The following PTPRG variants were observed in gnomAD, a reference collection of about 807,000 sequenced individuals.
The protein encoded by PTPRG is protein tyrosine phosphatase receptor type G, also known as receptor-type tyrosine-protein phosphatase gamma.
Under a neutral mutation model 165.3 loss-of-function variants are expected in PTPRG, and 102 were observed. The ratio of observed to expected loss-of-function variants is 0.62; its 90% confidence interval spans 0.53 to 0.73. The LOEUF (loss-of-function observed/expected upper bound fraction) is 0.73, where lower values mean the gene tolerates loss of function less well. PTPRG is among the 30% of genes least tolerant of loss of function. PTPRG has a pLI of 0.00. For missense variants in PTPRG, 1,866 were observed against 1,861.4 expected, an observed-to-expected ratio of 1.00 and a Z score of -0.05; for synonymous variants, 675 against 669.5, an observed-to-expected ratio of 1.01 and a Z score of -0.13.
At chr3:62,021,706 T>C (rs188310069) in intron 4 of PTPRG, among the ~76,000 whole-genome samples, 36 of 152,308 alleles carry the variant, frequency 2.4e-4, no homozygotes, top group Admixed American at 1.0e-3. Flanking sequence ...TTTGATATTA[T>C]GTGATGTAGC....
intron 4 of PTPRG, among the ~76,000 whole-genome samples, chr3:62,044,860 C>T (rs1019619349): frequency 2.6e-5 from 4 of 152,044 alleles, no homozygotes; most frequent in Non-Finnish European, 5.9e-5. Flanking sequence ...TATTATAGCC[C>T]TTAATACTTG....
Position 62,229,719 on chromosome 3 carries a change from G to GT in PTPRG, c.2289-1506_2289-1505insT, listed in dbSNP as rs2106917321. Among the ~76,000 whole-genome samples the GT allele has an allele frequency of 6.6e-6, 1 of 152,300 alleles. No individual in the cohort carries two copies. The highest frequency in any genetic ancestry group is 2.1e-4 in the South Asian group (1 of 4,820). On this transcript the variant is annotated intron_variant, in intron 13 of 29. Transcript: ENST00000474889. This position sits in a 1 kb window ranked among gnomAD's most constrained non-coding sequence, Gnocchi z 4.6. ...TATGTCTGTTCTGCTGGTTTGCTCA[G>GT]GTAGCCTCAAATATCTCAATTATTC...
At chr3:61,734,813 C>G (rs1381024200) in intron 1 of PTPRG, among the ~76,000 whole-genome samples, 1 of 152,154 alleles carries the variant, frequency 6.6e-6, no homozygotes, top group Non-Finnish European at 1.5e-5. Flanking sequence ...GTTGAAAAGT[C>G]TCCCTGAAAT....
intron 4 of PTPRG, among the ~76,000 whole-genome samples, chr3:62,040,403 C>T (rs1294092990): frequency 1.3e-5 from 2 of 152,194 alleles, no homozygotes; most frequent in Non-Finnish European, 2.9e-5. Flanking sequence ...CTCTCTAAGA[C>T]AGTACAGAAA....
intron 1 of PTPRG, among the ~76,000 whole-genome samples, chr3:61,671,566 G>A (rs1048726265): frequency 2.0e-5 from 3 of 147,504 alleles, no homozygotes; most frequent in South Asian, 2.2e-4. Flanking sequence ...GCAACCATCC[G>A]ATTTCTCAAT....
chr3:61,863,625 A>G (rs1015510911), intron 2 of PTPRG, among the ~76,000 whole-genome samples: 3 of 151,956 alleles, frequency 2.0e-5, no homozygotes, highest in African/African-American at 7.3e-5. Flanking sequence ...ATTATTCCAG[A>G]TTTTCAGTGT....
At chr3:62,061,634 T>C (rs1010649903) in intron 4 of PTPRG, among the ~76,000 whole-genome samples, 5 of 13,686 alleles carry the variant, frequency 3.7e-4, no homozygotes, top group African/African-American at 8.8e-4. Context: ...TTTCTTTTCT[T>C]TTTTTTTTTT....
intron 12 of PTPRG, among the ~76,000 whole-genome samples, chr3:62,212,466 T>C (rs1328842237): frequency 6.6e-6 from 1 of 152,206 alleles, no homozygotes; most frequent in African/African-American, 2.4e-5. Flanking sequence ...AGCCAGGTTA[T>C]TGGTATCAGG....
Position 62,273,636 on chromosome 3 carries a change from T to G in PTPRG, c.3319-62T>G. 1 of 1,539,484 alleles carries G rather than the reference T, an allele frequency of 6.5e-7. No homozygotes were observed. The highest frequency in any genetic ancestry group is 9.0e-7 in the Non-Finnish European group (1 of 1,116,122). Reference sequence around the variant, plus strand: ...CAGCAGAATTAAACTAAGGTACACTTCATGAATGAGTGGCTAACCCTTAAC... The same window carrying G: ...CAGCAGAATTAAACTAAGGTACACTGCATGAATGAGTGGCTAACCCTTAAC... On this transcript the variant is annotated intron_variant, in intron 22 of 29. Coordinates refer to ENST00000474889, the MANE Select transcript of PTPRG (RefSeq NM_002841.4). The surrounding 1 kb of genome is among the most constrained non-coding windows in gnomAD (Gnocchi z 4.1).
rs1211663429 is a variant in PTPRG, at chr3:62,219,930, T to C, written c.2288+947T>C. ...TTCTAAGATGGTGGTAACTGGATAA[T>C]GGAGAAAGCTTAAATCTGGAAAGGG... On this transcript the variant is annotated intron_variant, in intron 13 of 29. Coordinates refer to ENST00000474889, the MANE Select transcript of PTPRG (RefSeq NM_002841.4). The surrounding 1 kb of genome is among the most constrained non-coding windows in gnomAD (Gnocchi z 4.5). Among the ~76,000 whole-genome samples, 5 of 152,270 alleles carry C rather than the reference T, an allele frequency of 3.3e-5. No individual in the cohort carries two copies. Among genetic ancestry groups the C allele is most frequent in the Middle Eastern group, 3.4e-3 (1 of 294 alleles).
intron 4 of PTPRG, among the ~76,000 whole-genome samples, chr3:62,068,162 G>GA (rs767022997): frequency 2.0e-5 from 3 of 152,142 alleles, no homozygotes; most frequent in Non-Finnish European, 2.9e-5. Flanking sequence ...ATCACTTCTA[G>GA]AAAATAGTAG....
intron 1 of PTPRG, among the ~76,000 whole-genome samples, chr3:61,672,899 C>T (rs1019118972): frequency 2.6e-5 from 4 of 151,240 alleles, no homozygotes; most frequent in African/African-American, 2.4e-5. Flanking sequence ...GGGCACAACA[C>T]CTGCAATCCT....
intron 1 of PTPRG, among the ~76,000 whole-genome samples, chr3:61,625,496 G>T (rs947499346): frequency 6.6e-6 from 1 of 152,050 alleles, no homozygotes; most frequent in African/African-American, 2.4e-5. Flanking sequence ...TAGTTTTAGG[G>T]TGGTAATGAT....
At chr3:62,126,980 A>G (rs1703316460) in intron 5 of PTPRG, among the ~76,000 whole-genome samples, 1 of 152,226 alleles carries the variant, frequency 6.6e-6, no homozygotes, top group African/African-American at 2.4e-5. Flanking sequence ...TTTCTATATC[A>G]GAAACTAAGA....
At chr3:61,707,988 C>T (rs1388777466) in intron 1 of PTPRG, among the ~76,000 whole-genome samples, 1 of 152,090 alleles carries the variant, frequency 6.6e-6, no homozygotes, top group Non-Finnish European at 1.5e-5. Flanking sequence ...AGGGTTTCAC[C>T]ATGTTGCTCA....
At chr3:62,177,590 G>T (rs1705472619) in intron 8 of PTPRG, among the ~76,000 whole-genome samples, 1 of 152,098 alleles carries the variant, frequency 6.6e-6, no homozygotes, top group South Asian at 2.1e-4. Flanking sequence ...AATCCTTAAG[G>T]TGGTCCACAC....
At chr3:61,818,304 G>A (rs375056740) in intron 2 of PTPRG, among the ~76,000 whole-genome samples, 91 of 152,146 alleles carry the variant, frequency 6.0e-4, no homozygotes, top group African/African-American at 1.8e-3. Context: ...ATGAAAGAAC[G>A]TTATACATTA....
At chr3:61,566,042 T>A (rs967445030) in intron 1 of PTPRG, among the ~76,000 whole-genome samples, 4 of 152,188 alleles carry the variant, frequency 2.6e-5, no homozygotes, top group African/African-American at 7.2e-5. Context: ...AAATCTTTGA[T>A]GTTTCCTTCT....
At position 62,077,829 on chromosome 3, in the gene PTPRG, G is replaced by C. The variant is rs560694592; in HGVS notation, c.520-334G>C. ...GACCAGCCTGGTCAACATGGTGAAA[G>C]CCCATCTCTACAAAAATACAAAAAT... On this transcript the variant is annotated intron_variant, in intron 4 of 29. Coordinates refer to ENST00000474889, the MANE Select transcript of PTPRG (RefSeq NM_002841.4). Among the ~76,000 whole-genome samples the C allele has an allele frequency of 2.7e-3, 404 of 151,968 alleles. 1 individual carries two copies. The highest frequency in any genetic ancestry group is 9.4e-3 in the African/African-American group (388 of 41,456).
Sources: gnomAD v4.1 joint callset for allele counts (sites outside exome capture counted in the v4.1 genomes callset) on GRCh38, gnomAD v4.1.1 for gene constraint, Gnocchi (gnomAD v3.1) non-coding constraint, MANE v1.5 for transcripts, NCBI Gene and HGNC (gene_info 2026-07-23, HGNC 2026-07-21) for gene names.